CCDC30: variants seen among roughly 807,000 people sequenced by gnomAD.
CCDC30 encodes coiled-coil domain-containing protein 30.
Under a neutral mutation model 100.2 loss-of-function variants are expected in CCDC30, and 70 were observed. The ratio of observed to expected loss-of-function variants is 0.70; its 90% CI spans 0.58 to 0.85. The LOEUF (loss-of-function observed/expected upper bound fraction) is 0.85. Among genes scored for constraint, CCDC30 ranks in the 40% least tolerant of loss-of-function variants. The pLI is 0.00. For missense variants in CCDC30, 652 were observed against 771.2 expected (o/e 0.85, Z 1.83); for synonymous variants, 233 against 269.5 (o/e 0.86, Z 1.33).
chr1:42,637,473 C>A, intron 12 of CCDC30, 95 bp downstream of exon 16: 1 of 1,103,506 alleles, frequency 9.1e-7, no homozygotes, highest in Non-Finnish European at 1.3e-6. Flanking sequence ...TTTGAGACCC[C>A]TTCATAGTCC....
At chr1:42,505,297 T>C (rs1381704922) in intron 6 of CCDC30, among the ~76,000 whole-genome samples, 1 of 152,124 alleles carries the variant, frequency 6.6e-6, no homozygotes, top group Non-Finnish European at 1.5e-5. Context: ...ATCTGGCCAA[T>C]TATTTGCAGG....
chr1:42,465,039 G>A (rs1569652244), intron 1 of CCDC30, among the ~76,000 whole-genome samples: 1 of 152,214 alleles, frequency 6.6e-6, no homozygotes, highest in Non-Finnish European at 1.5e-5. Flanking sequence ...ATGCTATATT[G>A]TAAGGGGCTT....
At chr1:42,625,151 G>T (rs571206700) in intron 11 of CCDC30, among the ~76,000 whole-genome samples, 1 of 151,992 alleles carries the variant, frequency 6.6e-6, no homozygotes, top group South Asian at 2.1e-4. Flanking sequence ...TTTCTTCTAG[G>T]TTTTCCAATT....
chr1:42,621,982 A>G (rs1197300056), intron 11 of CCDC30, among the ~76,000 whole-genome samples: 1 of 152,188 alleles, frequency 6.6e-6, no homozygotes, highest in Non-Finnish European at 1.5e-5. Flanking sequence ...ACAATCTAAA[A>G]AAATGTACAA....
intron 12 of CCDC30, among the ~76,000 whole-genome samples, chr1:42,640,128 T>G (rs956258569): frequency 5.3e-5 from 8 of 152,178 alleles, no homozygotes; most frequent in African/African-American, 1.9e-4. Flanking sequence ...TTTATGTATA[T>G]TTTAGGGCCC....
intron 1 of CCDC30, among the ~76,000 whole-genome samples, chr1:42,478,693 A>G (rs1166174202): frequency 6.6e-6 from 1 of 151,986 alleles, no homozygotes; most frequent in East Asian, 1.9e-4. Flanking sequence ...TGGGAGGTCG[A>G]GGCTGTGGTG....
intron 6 of CCDC30, chr1:42,537,090 A>C (rs1055645945): frequency 2.4e-6 from 1 of 423,984 alleles, no homozygotes; most frequent in Admixed American, 2.7e-5. Context: ...ACGTGTTTCT[A>C]TAATAATAAT....
intron 2 of CCDC30, 60 bp from the exon 3 acceptor site, chr1:42,482,603 C>G (rs946695800): frequency 1.8e-6 from 2 of 1,085,726 alleles, no homozygotes; most frequent in Non-Finnish European, 2.3e-6. Context: ...TAGAAAATAG[C>G]AAAATGTCAT....
intron 6 of CCDC30, among the ~76,000 whole-genome samples, chr1:42,532,767 T>G (rs1227680941): frequency 1.3e-5 from 2 of 152,132 alleles, no homozygotes; most frequent in Non-Finnish European, 2.9e-5. Context: ...TTTTTATTTA[T>G]TTATTTATTT....
At position 42,543,271 on chromosome 1, in the gene CCDC30, CCTT is replaced by C. The variant is rs1210531787; in HGVS notation, c.457-23021_457-23019del. On this transcript the variant is annotated intron_variant, in intron 6 of 16. Transcript: ENST00000668663. The stretch of plus-strand genomic sequence containing the variant: ...TACAGGTGTGAGCCACCACAACTGG[CCTT>C]CTTTTTTTTTTTTTCCCCTCCTTCC... 2.1e-5 allele frequency among the ~76,000 whole-genome samples: 3 copies of C among 141,214 alleles called. No individual in the cohort carries two copies. In the East Asian group the frequency reaches 6.8e-4, roughly 32 times the overall value. 92.6% of individuals were successfully genotyped at this position (141,214 alleles called of 152,430 possible).
intron 10 of CCDC30, chr1:42,595,087 T>C (rs1646259164): frequency 1.3e-5 from 2 of 152,128 alleles, no homozygotes; most frequent in Non-Finnish European, 2.9e-5. Flanking sequence ...CATATGATTA[T>C]ATGAGCCATT....
chr1:42,543,348 A>G (rs541282209), intron 6 of CCDC30, among the ~76,000 whole-genome samples: 1 of 144,056 alleles, frequency 6.9e-6, no homozygotes, highest in African/African-American at 2.6e-5. Flanking sequence ...TTTCTCACTC[A>G]GTTGTCTTTC....
intron 6 of CCDC30, among the ~76,000 whole-genome samples, chr1:42,521,505 G>A (rs1569898984): frequency 6.6e-6 from 1 of 152,274 alleles, no homozygotes; most frequent in Middle Eastern, 3.4e-3. Flanking sequence ...TGTCCTGTGT[G>A]CAGTTGAGAA....
At chr1:42,496,349 CA>C (rs1425034601) in intron 4 of CCDC30, among the ~76,000 whole-genome samples, 1 of 152,070 alleles carries the variant, frequency 6.6e-6, no homozygotes, top group African/African-American at 2.4e-5. Flanking sequence ...ATATTTAGCA[CA>C]GCAAAATGTT....
chr1:42,615,905 CTTGTT>C (rs1409076229), intron 11 of CCDC30, among the ~76,000 whole-genome samples: 1 of 151,546 alleles, frequency 6.6e-6, no homozygotes, highest in African/African-American at 2.4e-5. Flanking sequence ...TTATTTTGAA[CTTGTT>C]TTTTGTTTTT....
At chr1:42,579,930 G>A (rs1645926875) in intron 8 of CCDC30, among the ~76,000 whole-genome samples, 1 of 142,176 alleles carries the variant, frequency 7.0e-6, no homozygotes, top group African/African-American at 2.7e-5. Flanking sequence ...TATAGCAACA[G>A]CACATCTCAA....
chr1:42,645,478 G>A (rs1311370842), intron 14 of CCDC30, among the ~76,000 whole-genome samples: 1 of 151,960 alleles, frequency 6.6e-6, no homozygotes, highest in South Asian at 2.1e-4. Flanking sequence ...TCAGCAAGAG[G>A]GACTTCAATG....
intron 2 of CCDC30, among the ~76,000 whole-genome samples, chr1:42,481,190 A>G (rs1477112601): frequency 6.6e-6 from 1 of 152,090 alleles, no homozygotes; most frequent in Non-Finnish European, 1.5e-5. Context: ...CAAAAATTTG[A>G]GGAGGAAAAA....
chr1:42,520,194 A>T (rs1644615762), intron 6 of CCDC30, among the ~76,000 whole-genome samples: 1 of 151,710 alleles, frequency 6.6e-6, no homozygotes. Context: ...TTGTGAAGTT[A>T]GCTTGTTGAT....
Sources: gnomAD v4.1 joint callset for allele counts (sites outside exome capture counted in the v4.1 genomes callset) on GRCh38, gnomAD v4.1.1 for gene constraint, MANE v1.5 for transcripts, NCBI Gene and HGNC (gene_info 2026-07-23, HGNC 2026-07-21) for gene names.